PPP1R12A: variants seen among roughly 807,000 people sequenced by gnomAD.
PPP1R12A encodes protein phosphatase 1 regulatory subunit 12A, also known as myosin binding subunit.
Under a neutral mutation model 139.6 loss-of-function variants are expected in PPP1R12A, and 19 were observed. That is an observed-to-expected ratio of 0.14 (90% confidence interval 0.09 to 0.20). The LOEUF (loss-of-function observed/expected upper bound fraction) is 0.20. Ranked by LOEUF, PPP1R12A falls within the 10% of genes least tolerant of loss-of-function variation. PPP1R12A has a pLI of 1.00. For missense variants in PPP1R12A, 925 were observed against 1,211.5 expected, an observed-to-expected ratio of 0.76 and a Z score of 3.51; for synonymous variants, 427 against 420.6, an observed-to-expected ratio of 1.02 and a Z score of -0.19.
At chr12:79,906,233 A>T (rs1886097203) in intron 1 of PPP1R12A, among the ~76,000 whole-genome samples, 1 of 152,176 alleles carries the variant, frequency 6.6e-6, no homozygotes, top group Non-Finnish European at 1.5e-5. Context: ...TAATGATAAA[A>T]ACTTAAAAAA....
intron 1 of PPP1R12A, among the ~76,000 whole-genome samples, chr12:79,927,597 T>C (rs146120277): frequency 2.5e-4 from 38 of 152,348 alleles, no homozygotes; most frequent in African/African-American, 8.7e-4. Context: ...AATATTTTCT[T>C]CTTCAGACTT....
intron 16 of PPP1R12A, 119 bp downstream of exon 16, chr12:79,797,076 G>A (rs1872581937): frequency 1.5e-6 from 2 of 1,355,194 alleles, no homozygotes; most frequent in East Asian, 4.8e-5. Flanking sequence ...CAAATTTCCA[G>A]CTAAAATCCT....
intron 14 of PPP1R12A, among the ~76,000 whole-genome samples, chr12:79,799,180 G>A (rs185929283): frequency 4.0e-5 from 6 of 151,572 alleles, no homozygotes; most frequent in African/African-American, 7.3e-5. Context: ...ACAAAGTCTC[G>A]CTCTGTCGCC....
At chr12:79,812,391 C>CGTGTGTGTGTGTGT (rs1156924649) in intron 9 of PPP1R12A, among the ~76,000 whole-genome samples, 2,160 of 134,520 alleles carry the variant, frequency 0.016, 74 homozygotes, top group East Asian at 0.099. Context: ...TCTGTGTGTG[C>CGTGTGTGTGTGTGT]GTGTGTGTGT....
chr12:79,830,510 G>C (rs938254458), intron 4 of PPP1R12A, among the ~76,000 whole-genome samples: 1 of 152,124 alleles, frequency 6.6e-6, no homozygotes, highest in Non-Finnish European at 1.5e-5. Context: ...CAAATTCCTA[G>C]AGGTAGAATC....
intron 1 of PPP1R12A, among the ~76,000 whole-genome samples, chr12:79,916,260 T>C (rs546181198): frequency 1.1e-4 from 16 of 152,226 alleles, no homozygotes; most frequent in Non-Finnish European, 2.1e-4. Flanking sequence ...ATTCTTGTTC[T>C]GGTTTATAAA....
At chr12:79,829,947 G>A (rs576693840) in intron 4 of PPP1R12A, among the ~76,000 whole-genome samples, 35 of 152,240 alleles carry the variant, frequency 2.3e-4, no homozygotes, top group South Asian at 1.0e-3. Context: ...CATGCAATGG[G>A]AGTACAAAAC....
intron 1 of PPP1R12A, 99 bp downstream of exon 1, chr12:79,934,596 C>T (rs1287374496): frequency 3.2e-5 from 37 of 1,141,710 alleles, no homozygotes; most frequent in Non-Finnish European, 4.4e-5. Flanking sequence ...AGTCTCCCGC[C>T]GCCCCCAGCC....
chr12:79,846,986 CCTTCATA>C (rs773779966), intron 2 of PPP1R12A, among the ~76,000 whole-genome samples: 7 of 151,964 alleles, frequency 4.6e-5, no homozygotes, highest in Non-Finnish European at 8.8e-5. Flanking sequence ...CAATTTAGCT[CCTTCATA>C]CTTCGACTAT....
chr12:79,892,411 CAG>C (rs1431096173), intron 1 of PPP1R12A, among the ~76,000 whole-genome samples: 2 of 152,072 alleles, frequency 1.3e-5, no homozygotes, highest in East Asian at 1.9e-4. Context: ...ACAGTCTAAC[CAG>C]AGTTATTCTA....
At chr12:79,804,285 A>G (rs1244739069) in intron 14 of PPP1R12A, among the ~76,000 whole-genome samples, 4 of 152,114 alleles carry the variant, frequency 2.6e-5, no homozygotes. Context: ...GAAGCACTAC[A>G]ACAACCTAAA....
chr12:79,876,143 G>C (rs1377802996), intron 1 of PPP1R12A, among the ~76,000 whole-genome samples: 1 of 152,060 alleles, frequency 6.6e-6, no homozygotes, highest in Non-Finnish European at 1.5e-5. Flanking sequence ...CACCTTTTTG[G>C]TATTGCCTTT....
At chr12:79,850,820 C>G (rs1405652165) in intron 2 of PPP1R12A, among the ~76,000 whole-genome samples, 1 of 152,054 alleles carries the variant, frequency 6.6e-6, no homozygotes, top group African/African-American at 2.4e-5. Flanking sequence ...TGTGGAGCAC[C>G]TCCCTCTTTG....
At chr12:79,780,496 A>G (rs1870306813) in intron 23 of PPP1R12A, 1 of 152,198 alleles carries the variant, frequency 6.6e-6, no homozygotes, top group Non-Finnish European at 1.5e-5. Flanking sequence ...CTATCTCTGC[A>G]TGACAGATTA....
chr12:79,824,650 A>G (rs1420975382), intron 5 of PPP1R12A, among the ~76,000 whole-genome samples: 1 of 152,214 alleles, frequency 6.6e-6, no homozygotes, highest in Non-Finnish European at 1.5e-5. Flanking sequence ...CTCTTTAAAC[A>G]ATCTGCAGCA....
At chr12:79,894,235 AT>A (rs1884924771) in intron 1 of PPP1R12A, among the ~76,000 whole-genome samples, 1 of 152,232 alleles carries the variant, frequency 6.6e-6, no homozygotes, top group Admixed American at 6.5e-5. Context: ...CACAAAAGGA[AT>A]TCCTCCCTCT....
At chr12:79,778,975 G>C in intron 23 of PPP1R12A, 1 of 234,270 alleles carries the variant, frequency 4.3e-6, no homozygotes, top group Non-Finnish European at 8.7e-6. Context: ...AAGCAGAAAA[G>C]CAAGAAGCAA....
At chr12:79,862,607 T>C (rs1881470013) in intron 2 of PPP1R12A, among the ~76,000 whole-genome samples, 2 of 152,072 alleles carry the variant, frequency 1.3e-5, no homozygotes, top group Non-Finnish European at 2.9e-5. Context: ...GAATAACCAG[T>C]GTAGAGAAGA....
intron 21 of PPP1R12A, 122 bp downstream of exon 21, chr12:79,788,525 GA>G (rs1592613309): frequency 1.0e-6 from 1 of 988,362 alleles, no homozygotes. Flanking sequence ...ATCACTTGCC[GA>G]AAACTGAAAA....
Sources: gnomAD v4.1 joint callset for allele counts (sites outside exome capture counted in the v4.1 genomes callset) on GRCh38, gnomAD v4.1.1 for gene constraint, MANE v1.5 for transcripts, NCBI Gene and HGNC (gene_info 2026-07-23, HGNC 2026-07-21) for gene names.